The following TASOR2 variants were observed in gnomAD, a reference collection of about 807,000 sequenced individuals.
TASOR2 encodes the protein transcription activation suppressor family member 2, also known as protein TASOR 2.
Under a neutral mutation model 199.5 loss-of-function variants are expected in TASOR2, and 84 were observed. The observed-to-expected ratio is 0.42, with a 90% CI of 0.35 to 0.50. The LOEUF is 0.50. TASOR2 is among the 20% of genes least tolerant of loss of function. The pLI, the probability that TASOR2 is intolerant of heterozygous loss-of-function variation, is 0.02. For synonymous variants in TASOR2, 1,103 were observed against 1,046.6 expected (o/e 1.05, Z -1.04); for missense variants, 2,796 against 2,835.9 (o/e 0.99, Z 0.32).
Position 5,724,952 on chromosome 10 carries a change from T to C in TASOR2, c.351+419T>C, listed in dbSNP as rs138838659. Among the ~76,000 whole-genome samples, 85 of 152,240 alleles carry C rather than the reference T, an allele frequency of 5.6e-4. No homozygotes were observed. In the East Asian group the frequency reaches 0.014, roughly 25 times the overall value. ...CAACAATATACTGTAAGAAAAGTTA[T>C]GTGAGTGTGGACTGTCCATCTCAAA... On this transcript the variant is annotated intron_variant, in intron 8 of 20. Transcript: ENST00000328090.
intron 13 of TASOR2, among the ~76,000 whole-genome samples, chr10:5,741,477 A>G (rs957948595): frequency 6.6e-6 from 1 of 152,064 alleles, no homozygotes; most frequent in African/African-American, 2.4e-5. Context: ...CTGTTTAGCT[A>G]TTGCCCAACT....
At chr10:5,702,826 T>G (rs1838063355) in intron 1 of TASOR2, among the ~76,000 whole-genome samples, 1 of 152,044 alleles carries the variant, frequency 6.6e-6, no homozygotes. Context: ...CACAACATGC[T>G]CCAGGGAAAA....
rs546240917 is a variant in TASOR2, at chr10:5,722,876, G to A, written c.147-801G>A. On this transcript the variant is annotated intron_variant, in intron 6 of 20. Coordinates refer to ENST00000328090, the Ensembl canonical transcript of TASOR2. This position sits in a 1 kb window ranked among gnomAD's most constrained non-coding sequence, Gnocchi z 4.0. ...TACAAAAATTAGCTGGGCATGGTGC[G>A]GCATGCTTGTAATCCCAGCTATTCG... is the stretch of plus-strand genomic sequence containing the variant. 2.6e-5 allele frequency among the ~76,000 whole-genome samples: 4 copies of A among 150,964 alleles called. No individual in the cohort carries two copies. Among genetic ancestry groups the A allele is most frequent in the East Asian group, 2.0e-4 (1 of 4,960 alleles).
In TASOR2 at chr10:5,761,156, A is replaced by G. The variant is rs1052467705; in HGVS notation, c.6993-134A>G. ...CAATTGTGATGTTTTGAGGTAACCA[A>G]AGTGTGTCATGAAAAAGAACGTCAA... is the stretch of plus-strand genomic sequence containing the variant. On this transcript the variant is annotated intron_variant, in intron 18 of 20. Coordinates refer to ENST00000328090, the Ensembl canonical transcript of TASOR2. The G allele has an allele frequency of 3.4e-5, 24 of 700,744 alleles. No individual in the cohort carries two copies. The African/African-American group carries it at 4.3e-4, about 13-fold the overall frequency. The allele number at this position is 700,744 out of a possible 1,614,324, so 43.4% of individuals were successfully genotyped here.
intron 3 of TASOR2, among the ~76,000 whole-genome samples, chr10:5,718,322 G>GTTT (rs557861716): frequency 1.8e-5 from 2 of 113,144 alleles, no homozygotes; most frequent in Admixed American, 1.8e-4. Flanking sequence ...TCGTTTTATT[G>GTTT]TTTTTTTTTT....
intron 12 of TASOR2, among the ~76,000 whole-genome samples, chr10:5,736,044 C>T (rs1329938285): frequency 2.6e-5 from 4 of 152,290 alleles, no homozygotes; most frequent in African/African-American, 9.6e-5. Flanking sequence ...CTCAAGGGCT[C>T]CTCCCACCTC....
intron 11 of TASOR2, among the ~76,000 whole-genome samples, chr10:5,733,416 G>A (rs910160693): frequency 2.0e-5 from 3 of 152,172 alleles, no homozygotes; most frequent in African/African-American, 4.8e-5. Flanking sequence ...GCTGAGACAC[G>A]AGAATCTCTT....
At chr10:5,704,992 A>G (rs185736666) in intron 1 of TASOR2, among the ~76,000 whole-genome samples, 8 of 152,340 alleles carry the variant, frequency 5.3e-5, no homozygotes, top group Admixed American at 3.3e-4. Context: ...CTTTCAGCTC[A>G]ACTTCATTGA....
Position 5,742,375 on chromosome 10 carries a change from G to A in TASOR2, c.2606G>A (p.Arg869His), listed in dbSNP as rs1276539236. Residue 869 changes from arginine (R) to histidine (H), a missense_variant, in exon 14 of 21, where the codon CGT (arginine) becomes CAT (histidine). Arg to His is a conservative substitution (Grantham distance 29, BLOSUM62 0). Coordinates refer to ENST00000328090, the Ensembl canonical transcript of TASOR2. This position sits in a 1 kb window ranked among gnomAD's most constrained non-coding sequence, Gnocchi z 4.2. ...GCTCATGCTGCTGAAGTATCCTTCC[G>A]TGATCCTAACTGCTTGCTTCCTTTC... is the stretch of plus-strand genomic sequence containing the variant. 17 of 1,613,960 alleles carry A rather than the reference G, an allele frequency of 1.1e-5. No individual in the cohort carries two copies. The highest frequency in any genetic ancestry group is 1.4e-5 in the Non-Finnish European group (16 of 1,180,004).
Position 5,730,695 on chromosome 10 carries a change from C to T in TASOR2, c.696C>T (p.Asp232=), listed in dbSNP as rs1008032629. 1.2e-6 allele frequency: 2 copies of T among 1,614,204 alleles called. No homozygotes were observed. Among genetic ancestry groups the T allele is most frequent in the Non-Finnish European group, 1.7e-6 (2 of 1,180,028 alleles). ...TTGCTCCTCAGGATAGAATGAAAGA[C>T]CCTACATTCTTGGGGAAACTGCCCA... Residue 232 remains aspartate, a synonymous_variant, in exon 11 of 21, where the codon GAC becomes GAT. Coordinates refer to ENST00000328090, the Ensembl canonical transcript of TASOR2. This position sits in a 1 kb window ranked among gnomAD's most constrained non-coding sequence, Gnocchi z 4.1.
At chr10:5,746,028 C>T in intron 14 of TASOR2, 151 bp from the exon 16 acceptor site, 6 of 855,808 alleles carry the variant, frequency 7.0e-6, no homozygotes, top group Non-Finnish European at 8.3e-6. Flanking sequence ...TTGATTTGTA[C>T]CCTGTGATAT....
rs1833565786 is a variant in TASOR2 at position 5,722,979 on chromosome 10, G to T, written c.147-698G>T. Among the ~76,000 whole-genome samples the T allele has an allele frequency of 6.7e-6, 1 of 148,200 alleles. No homozygotes were observed. Among genetic ancestry groups the T allele is most frequent in the Non-Finnish European group, 1.5e-5 (1 of 66,946 alleles). ...GCTGAGATCGCACCACTGCACTCCA[G>T]CCTGGGTGACAGAGCCAGACTCCAT... On this transcript the variant is annotated intron_variant, in intron 6 of 20. Transcript: ENST00000328090. This position sits in a 1 kb window ranked among gnomAD's most constrained non-coding sequence, Gnocchi z 4.0.
chr10:5,749,886 A>G, exon 15 of TASOR2: 1 of 1,614,232 alleles, frequency 6.2e-7, no homozygotes, highest in Middle Eastern at 1.6e-4. Flanking sequence ...CAGGACGGTC[A>G]GCCTCCTATG....
intron 1 of TASOR2, among the ~76,000 whole-genome samples, chr10:5,702,808 T>G (rs1040385672): frequency 2.0e-5 from 3 of 152,130 alleles, no homozygotes; most frequent in Non-Finnish European, 4.4e-5. Flanking sequence ...TTAAATCTAT[T>G]GAAAAGACAC....
intron 3 of TASOR2, among the ~76,000 whole-genome samples, chr10:5,718,412 G>C (rs1214986031): frequency 7.0e-6 from 1 of 141,866 alleles, no homozygotes; most frequent in Non-Finnish European, 1.5e-5. Flanking sequence ...AAAAAAACAA[G>C]AGCCTGTGAA....
chr10:5,735,459 C>T (rs745660288), exon 12 of TASOR2: 3 of 1,614,080 alleles, frequency 1.9e-6, no homozygotes, highest in South Asian at 2.2e-5. Context: ...AAGGGCTAAG[C>T]CACCTGTGAA....
rs55910451 is a variant in TASOR2, at chr10:5,752,689, A to G, written c.6606+2662A>G. 0.18 allele frequency among the ~76,000 whole-genome samples: 26,875 copies of G among 152,254 alleles called. 2,691 individuals are homozygous for G. Among genetic ancestry groups the G allele is most frequent in the Admixed American group, 0.23 (3,594 of 15,298 alleles). On this transcript the variant is annotated intron_variant, in intron 15 of 20. Transcript: ENST00000328090. This position sits in a 1 kb window ranked among gnomAD's most constrained non-coding sequence, Gnocchi z 4.4. ...TCATCTGGAGTACTAAGGCCACTGC[A>G]GAAACCACAGAGCTGCATAAAGATT...
At chr10:5,717,153 C>T (rs1193930898) in intron 2 of TASOR2, among the ~76,000 whole-genome samples, 1 of 151,820 alleles carries the variant, frequency 6.6e-6, no homozygotes, top group African/African-American at 2.4e-5. Flanking sequence ...GACAAATACA[C>T]ATTCTTCAAA....
chr10:5,712,438 G>A (rs1832045970), intron 1 of TASOR2: 1 of 1,231,622 alleles, frequency 8.1e-7, no homozygotes, highest in Admixed American at 4.2e-5. Context: ...CTTCCAGAGG[G>A]CAGTTTCACT....
Sources: allele counts gnomAD v4.1 joint callset (sites outside exome capture counted in the v4.1 genomes callset), GRCh38; gene constraint gnomAD v4.1.1; non-coding constraint Gnocchi (gnomAD v3.1); transcripts MANE v1.5; gene names NCBI Gene and HGNC (gene_info 2026-07-23, HGNC 2026-07-21).